The following FAM76B variants were observed in gnomAD, a reference collection of about 807,000 sequenced individuals.
FAM76B encodes protein FAM76B.
In FAM76B, 16 loss-of-function variants were observed where a neutral mutation model predicts 51.8. The observed-to-expected ratio is 0.31, with a 90% CI of 0.21 to 0.47. The LOEUF is 0.47. Ranked by LOEUF, FAM76B falls within the 20% of genes least tolerant of loss-of-function variation. The pLI, the probability that FAM76B is intolerant of heterozygous loss-of-function variation, is 1.00. For missense variants in FAM76B, 342 were observed against 392.6 expected (o/e 0.87, Z 1.09); for synonymous variants, 166 against 129.5 (o/e 1.28, Z -1.91).
chr11:95,779,862 T>TAC lies in FAM76B; in HGVS notation c.611+15_611+16dup, dbSNP rs1860179723. On this transcript the variant is annotated intron_variant, in intron 6 of 9. Coordinates refer to ENST00000358780, the MANE Select transcript of FAM76B (RefSeq NM_144664.5). ...ATACATTTCAAAATACTTCAGAAAA[T>TAC]ACAGCAATGTATTTACCTCTGTTTC... 1.3e-6 allele frequency: 2 copies of TAC among 1,595,982 alleles called. No homozygotes were observed. The highest frequency in any genetic ancestry group is 1.7e-6 in the Non-Finnish European group (2 of 1,173,732).
At chr11:95,778,405 G>A (rs186778707) in intron 8 of FAM76B, among the ~76,000 whole-genome samples, 5 of 151,392 alleles carry the variant, frequency 3.3e-5, no homozygotes, top group Non-Finnish European at 7.4e-5. Context: ...TTACTTTTCA[G>A]CAGTATTTTG....
At chr11:95,778,334 GAGCT>G (rs1860100864) in intron 8 of FAM76B, among the ~76,000 whole-genome samples, 1 of 151,314 alleles carries the variant, frequency 6.6e-6, no homozygotes, top group South Asian at 2.1e-4. Flanking sequence ...CCTACACAAT[GAGCT>G]TTTAGACATC....
chr11:95,782,783 TTAAG>T (rs1302050752), intron 5 of FAM76B, among the ~76,000 whole-genome samples: 3 of 152,310 alleles, frequency 2.0e-5, no homozygotes, highest in South Asian at 4.1e-4. Context: ...GATAAGTTAT[TTAAG>T]TGTTAATTAA....
intron 7 of FAM76B, 196 bp from the exon 8 acceptor site, chr11:95,779,153 A>G (rs749379196): frequency 1.9e-5 from 30 of 1,569,800 alleles, no homozygotes; most frequent in Non-Finnish European, 3.4e-6. Flanking sequence ...AATATAATTC[A>G]GTATTAGCTT....
chr11:95,786,360 G>C, intron 3 of FAM76B, 86 bp from the exon 4 acceptor site: 1 of 1,437,494 alleles, frequency 7.0e-7, no homozygotes, highest in Non-Finnish European at 9.2e-7. Context: ...CATATTTCTG[G>C]AATTAAGAAA....
At chr11:95,784,155 G>T (rs1345954378) in intron 4 of FAM76B, among the ~76,000 whole-genome samples, 2 of 152,106 alleles carry the variant, frequency 1.3e-5, no homozygotes, top group Non-Finnish European at 2.9e-5. Flanking sequence ...GATGGAGCTG[G>T]AGGCCATTAA....
chr11:95,789,314 T>C, intron 1 of FAM76B, 78 bp downstream of exon 1: 2 of 1,448,920 alleles, frequency 1.4e-6, no homozygotes, highest in Non-Finnish European at 1.9e-6. Context: ...GAAGAGGGGC[T>C]GCAGTGCAGC....
rs1314560085 is a variant in FAM76B, at chr11:95,781,130, GAACT to G, written c.564-1208_564-1205del. On this transcript the variant is annotated intron_variant, in intron 5 of 9. Coordinates refer to ENST00000358780, the MANE Select transcript of FAM76B (RefSeq NM_144664.5). The stretch of plus-strand genomic sequence containing the variant: ...ATTATAAGCCTAACAAGCCATACAT[GAACT>G]AACAGCACTAACCATATCTCAAAGT... Among the ~76,000 whole-genome samples the G allele has an allele frequency of 2.7e-5, 4 of 149,304 alleles. No homozygotes were observed. The East Asian group carries it at 7.9e-4, about 29-fold the overall frequency.
intron 8 of FAM76B, among the ~76,000 whole-genome samples, chr11:95,777,802 G>C (rs778379350): frequency 6.6e-6 from 1 of 151,274 alleles, no homozygotes; most frequent in Non-Finnish European, 1.5e-5. Context: ...CTTAGAGATG[G>C]ATATAAGTCA....
rs1488524735 is a variant in FAM76B at position 95,789,762 on chromosome 11, T to C, written c.-284A>G. On this transcript the variant is annotated 5_prime_UTR_variant, in exon 1 of 10. Coordinates refer to ENST00000358780, the MANE Select transcript of FAM76B (RefSeq NM_144664.5). ...ACGAAGCGGGTAGGGGGTTGCTGTT[T>C]AGCTGTGCGGCCGTGGATCCGCTTC... is the stretch of plus-strand genomic sequence containing the variant. 3 of 387,924 alleles carry C rather than the reference T, an allele frequency of 7.7e-6. No individual in the cohort carries two copies. The highest frequency in any genetic ancestry group is 9.2e-6 in the Non-Finnish European group (2 of 217,924). 24.0% of individuals were successfully genotyped at this position (387,924 alleles called of 1,614,324 possible).
intron 8 of FAM76B, among the ~76,000 whole-genome samples, chr11:95,777,136 T>G (rs1161845378): frequency 6.6e-6 from 1 of 151,394 alleles, no homozygotes; most frequent in Non-Finnish European, 1.5e-5. Context: ...TATTCATCTT[T>G]GTATCCTCAT....
intron 9 of FAM76B, among the ~76,000 whole-genome samples, chr11:95,772,630 C>T (rs1859819189): frequency 6.6e-6 from 1 of 151,280 alleles, no homozygotes; most frequent in East Asian, 1.9e-4. Context: ...TGTTTCAACA[C>T]CATTTTCCTT....
chr11:95,789,355 G>C, intron 1 of FAM76B, 37 bp downstream of exon 1: 1 of 1,560,382 alleles, frequency 6.4e-7, no homozygotes, highest in Non-Finnish European at 8.7e-7. Context: ...CTACGGCCGA[G>C]GACACCCATC....
Position 95,769,942 on chromosome 11 carries a change from ACGT to A in FAM76B, c.*1616_*1618del, listed in dbSNP as rs1396774683. ...AACTATGAGAACAGTCTATTGAAAC[ACGT>A]CATGTTAAAAAAAAATTGTTTCAAT... On this transcript the variant is annotated 3_prime_UTR_variant, in exon 10 of 10. Coordinates refer to ENST00000358780, the MANE Select transcript of FAM76B (RefSeq NM_144664.5). 1 of 151,596 alleles carries A rather than the reference ACGT, an allele frequency of 6.6e-6. No individual in the cohort carries two copies. The highest frequency in any genetic ancestry group is 2.4e-5 in the African/African-American group (1 of 41,388). 9.4% of individuals were successfully genotyped at this position (151,596 alleles called of 1,614,324 possible). A position where few individuals can be genotyped will look rare whatever the true frequency, so the allele number is the denominator to read the frequency against.
At chr11:95,785,286 T>C (rs895813779) in intron 4 of FAM76B, among the ~76,000 whole-genome samples, 6 of 152,210 alleles carry the variant, frequency 3.9e-5, no homozygotes, top group Admixed American at 6.5e-5. Flanking sequence ...AGGCATCCAC[T>C]GGTCTTAGAA....
intron 5 of FAM76B, among the ~76,000 whole-genome samples, chr11:95,782,596 C>G (rs528421605): frequency 3.3e-5 from 5 of 152,016 alleles, no homozygotes; most frequent in African/African-American, 1.2e-4. Flanking sequence ...TTGGGGACCA[C>G]AAAGATCAGA....
chr11:95,774,846 G>A (rs1591009923), intron 9 of FAM76B, among the ~76,000 whole-genome samples: 1 of 151,176 alleles, frequency 6.6e-6, no homozygotes, highest in Non-Finnish European at 1.5e-5. Flanking sequence ...TTTTTCAACA[G>A]TCTTTGTAAT....
At position 95,789,493 on chromosome 11, in the gene FAM76B, TC is replaced by T. The variant is rs757522499; in HGVS notation, c.-16del. The T allele has an allele frequency of 1.3e-6, 2 of 1,536,790 alleles. No individual in the cohort carries two copies. The highest frequency in any genetic ancestry group is 4.6e-5 in the East Asian group (2 of 43,090). On this transcript the variant is annotated 5_prime_UTR_variant, in exon 1 of 10. Coordinates refer to ENST00000358780, the MANE Select transcript of FAM76B (RefSeq NM_144664.5). The stretch of plus-strand genomic sequence containing the variant: ...GAGGCCGCCATCCTGCTCCTCAGTC[TC>T]CTCCTCCGCCGCCGCCCGCTCCGAG...
intron 4 of FAM76B, 65 bp downstream of exon 4, chr11:95,786,054 A>T: frequency 6.4e-7 from 1 of 1,558,390 alleles, no homozygotes; most frequent in Non-Finnish European, 8.7e-7. Flanking sequence ...TATTAATTAT[A>T]ATTTCCAACT....
Sources: allele counts gnomAD v4.1 joint callset (sites outside exome capture counted in the v4.1 genomes callset), GRCh38; gene constraint gnomAD v4.1.1; transcripts MANE v1.5; gene names NCBI Gene and HGNC (gene_info 2026-07-23, HGNC 2026-07-21).